ZNF385D: variants seen among roughly 807,000 people sequenced by gnomAD.
The protein encoded by ZNF385D is zinc finger protein 659.
In ZNF385D, 15 loss-of-function variants were observed where a neutral mutation model predicts 35.8. The ratio of observed to expected loss-of-function variants is 0.42; its 90% CI spans 0.28 to 0.64. The LOEUF (loss-of-function observed/expected upper bound fraction) is 0.64. Ranked by LOEUF, ZNF385D falls within the 30% of genes least tolerant of loss-of-function variation. ZNF385D has a pLI of 0.23. For synonymous variants in ZNF385D, 212 were observed against 186.8 expected (o/e 1.13, Z -1.10); for missense variants, 474 against 494.6 (o/e 0.96, Z 0.39).
chr3:21,502,804 T>G (rs1012728), intron 4 of ZNF385D, among the ~76,000 whole-genome samples: 32,008 of 152,136 alleles, frequency 0.21, 4,083 homozygotes, highest in East Asian at 0.51. Flanking sequence ...ATAAAATCTC[T>G]TTCTTTGACC....
chr3:22,046,175 G>A (rs1387565813), intron 3 of ZNF385D, among the ~76,000 whole-genome samples: 1 of 152,036 alleles, frequency 6.6e-6, no homozygotes, highest in Non-Finnish European at 1.5e-5. Flanking sequence ...CCACTAAGAG[G>A]AAAAAGTCAA....
At chr3:22,371,319 C>A (rs1210946430) in intron 2 of ZNF385D, among the ~76,000 whole-genome samples, 1 of 152,152 alleles carries the variant, frequency 6.6e-6, no homozygotes, top group African/African-American at 2.4e-5. Context: ...CTCAGCAGAA[C>A]AGAGATGATT....
At chr3:21,991,117 C>T (rs571267039) in intron 3 of ZNF385D, among the ~76,000 whole-genome samples, 1 of 152,142 alleles carries the variant, frequency 6.6e-6, no homozygotes, top group Non-Finnish European at 1.5e-5. Context: ...TTTGCAAAAA[C>T]TAATTACGGT....
At chr3:22,100,869 A>G (rs1285708419) in intron 3 of ZNF385D, among the ~76,000 whole-genome samples, 1 of 151,876 alleles carries the variant, frequency 6.6e-6, no homozygotes, top group African/African-American at 2.4e-5. Flanking sequence ...CACATAAAAA[A>G]TAAAATAAAA....
chr3:21,955,404 T>A (rs111651825), intron 3 of ZNF385D, among the ~76,000 whole-genome samples: 3 of 152,238 alleles, frequency 2.0e-5, no homozygotes, highest in Non-Finnish European at 4.4e-5. Context: ...AGATGGGTTC[T>A]CTTGTCTCCA....
At chr3:22,006,082 C>T (rs532320501) in intron 3 of ZNF385D, among the ~76,000 whole-genome samples, 3 of 152,066 alleles carry the variant, frequency 2.0e-5, no homozygotes, top group Non-Finnish European at 4.4e-5. Flanking sequence ...GGTAGTCAGT[C>T]ACCTCCTGGT....
intron 2 of ZNF385D, among the ~76,000 whole-genome samples, chr3:22,291,734 C>T (rs745747035): frequency 6.6e-6 from 1 of 151,804 alleles, no homozygotes; most frequent in Non-Finnish European, 1.5e-5. Flanking sequence ...CTAGAGATAC[C>T]ATAATGTGAG....
At chr3:21,633,502 G>A (rs1397422050) in intron 2 of ZNF385D, among the ~76,000 whole-genome samples, 1 of 152,040 alleles carries the variant, frequency 6.6e-6, no homozygotes, top group Non-Finnish European at 1.5e-5. Context: ...ACACATATCT[G>A]TATTCAACTA....
chr3:21,943,044 C>A (rs1701608816), intron 3 of ZNF385D, among the ~76,000 whole-genome samples: 1 of 151,952 alleles, frequency 6.6e-6, no homozygotes, highest in Non-Finnish European at 1.5e-5. Flanking sequence ...ACTCATACTT[C>A]TAAAAATAAA....
In ZNF385D at chr3:21,593,087, G is replaced by A. The variant is rs9826648; in HGVS notation, c.166-28403C>T. The stretch of plus-strand genomic sequence containing the variant: ...GAATAATAGCTTCAGGTCACCAAAT[G>A]CCTTTTCCCCGGCTGCTGTATGTCA... On this transcript the variant is annotated intron_variant, in intron 2 of 7. Coordinates refer to ENST00000281523, the MANE Select transcript of ZNF385D (RefSeq NM_024697.3). Among the ~76,000 whole-genome samples, 708 of 152,224 alleles carry A rather than the reference G, an allele frequency of 4.7e-3. 5 individuals are homozygous for A. The highest frequency in any genetic ancestry group is 0.016 in the African/African-American group (656 of 41,530).
intron 3 of ZNF385D, among the ~76,000 whole-genome samples, chr3:21,925,135 G>T (rs577272168): frequency 1.3e-5 from 2 of 152,138 alleles, no homozygotes; most frequent in South Asian, 4.1e-4. Flanking sequence ...GACTTTTATA[G>T]GTATACATAC....
At chr3:22,041,605 G>A (rs1698666337) in intron 3 of ZNF385D, among the ~76,000 whole-genome samples, 1 of 152,116 alleles carries the variant, frequency 6.6e-6, no homozygotes, top group African/African-American at 2.4e-5. Flanking sequence ...CCAACTGGGT[G>A]ATCTGAACAC....
intron 2 of ZNF385D, among the ~76,000 whole-genome samples, chr3:21,613,046 T>C (rs1029152934): frequency 6.6e-6 from 1 of 151,426 alleles, no homozygotes; most frequent in Non-Finnish European, 1.5e-5. Context: ...CTAAATTCAG[T>C]GCTAGGCTCG....
At chr3:22,086,615 T>C (rs1033794808) in intron 3 of ZNF385D, among the ~76,000 whole-genome samples, 10 of 152,144 alleles carry the variant, frequency 6.6e-5, no homozygotes, top group Non-Finnish European at 1.5e-4. Flanking sequence ...ATGAAAATGG[T>C]CATAATACCC....
At chr3:21,868,069 G>C (rs1296587) in intron 3 of ZNF385D, among the ~76,000 whole-genome samples, 133,348 of 152,158 alleles carry the variant, frequency 0.88, 58,817 homozygotes, top group Non-Finnish European at 0.92. Flanking sequence ...TGAAGATTTA[G>C]TATTTGCTAG....
chr3:21,879,189 G>GA (rs539770611), intron 3 of ZNF385D, among the ~76,000 whole-genome samples: 28 of 151,660 alleles, frequency 1.8e-4, no homozygotes, highest in East Asian at 1.4e-3. Context: ...ATCATGAATG[G>GA]AAAAAAAATC....
intron 3 of ZNF385D, among the ~76,000 whole-genome samples, chr3:22,073,373 G>A (rs1209594749): frequency 6.6e-6 from 1 of 150,954 alleles, no homozygotes; most frequent in Non-Finnish European, 1.5e-5. Context: ...TCTGAAGCAG[G>A]GTGGGGTGGG....
At chr3:21,836,773 C>T (rs540901602) in intron 3 of ZNF385D, among the ~76,000 whole-genome samples, 1 of 152,008 alleles carries the variant, frequency 6.6e-6, no homozygotes, top group East Asian at 1.9e-4. Context: ...CTATTTTGGC[C>T]ATTAAACAAA....
chr3:21,911,297 CA>C (rs1559746417), intron 3 of ZNF385D, among the ~76,000 whole-genome samples: 1 of 151,838 alleles, frequency 6.6e-6, no homozygotes, highest in Non-Finnish European at 1.5e-5. Context: ...TTGTAAGAAA[CA>C]TTAGTAAAGT....
Sources: allele counts gnomAD v4.1 joint callset (sites outside exome capture counted in the v4.1 genomes callset), GRCh38; gene constraint gnomAD v4.1.1; transcripts MANE v1.5; gene names NCBI Gene and HGNC (gene_info 2026-07-23, HGNC 2026-07-21).